The following KCTD8 variants were observed in gnomAD, a reference collection of about 807,000 sequenced individuals.
KCTD8 encodes the protein BTB/POZ domain-containing protein KCTD8.
KCTD8 carries 27 observed loss-of-function variants against 31.5 expected under a neutral mutation model. The observed-to-expected ratio is 0.86, with a 90% confidence interval of 0.63 to 1.18. KCTD8 has a LOEUF of 1.18. Among genes scored for constraint, KCTD8 ranks in the 50% most tolerant of loss-of-function variants. The pLI is 0.00. For missense variants in KCTD8, 658 were observed against 647.7 expected, an observed-to-expected ratio of 1.02 and a Z score of -0.17; for synonymous variants, 290 against 280.0, an observed-to-expected ratio of 1.04 and a Z score of -0.36.
At chr4:44,433,081 T>C (rs549073912) in intron 1 of KCTD8, among the ~76,000 whole-genome samples, 2 of 151,850 alleles carry the variant, frequency 1.3e-5, no homozygotes, top group Middle Eastern at 3.4e-3. Context: ...AGAGCTTGCA[T>C]ATGGAACATT....
chr4:44,402,878 A>G (rs1720699924), intron 1 of KCTD8, among the ~76,000 whole-genome samples: 1 of 152,200 alleles, frequency 6.6e-6, no homozygotes, highest in African/African-American at 2.4e-5. Context: ...ACTTCCAAGA[A>G]CACTCAAACT....
At chr4:44,446,750 T>C (rs985219372) in intron 1 of KCTD8, among the ~76,000 whole-genome samples, 3 of 152,006 alleles carry the variant, frequency 2.0e-5, no homozygotes, top group African/African-American at 7.2e-5. Context: ...GGAAACACAA[T>C]CATTCTCTCT....
intron 1 of KCTD8, among the ~76,000 whole-genome samples, chr4:44,429,174 GGACCCTAA>G (rs1289668643): frequency 6.6e-6 from 1 of 151,652 alleles, no homozygotes; most frequent in Admixed American, 6.6e-5. Context: ...ATAAAATCAA[GGACCCTAA>G]AAGCATCCCT....
chr4:44,320,076 G>T (rs1488422128), intron 1 of KCTD8, among the ~76,000 whole-genome samples: 1 of 146,630 alleles, frequency 6.8e-6, no homozygotes, highest in African/African-American at 2.5e-5. Context: ...GGAGGCTGAG[G>T]CAGGAGAATC....
chr4:44,396,266 T>C (rs190915579), intron 1 of KCTD8, among the ~76,000 whole-genome samples: 7 of 152,200 alleles, frequency 4.6e-5, no homozygotes, highest in Admixed American at 2.0e-4. Flanking sequence ...ACGCAAGTGA[T>C]AGGGGAGCAG....
At chr4:44,428,237 A>G (rs895294218) in intron 1 of KCTD8, among the ~76,000 whole-genome samples, 12 of 151,774 alleles carry the variant, frequency 7.9e-5, no homozygotes, top group Non-Finnish European at 1.2e-4. Flanking sequence ...TAAATTATAA[A>G]TGGAATTTTC....
At chr4:44,304,532 GAAT>G (rs1367086148) in intron 1 of KCTD8, among the ~76,000 whole-genome samples, 3 of 152,020 alleles carry the variant, frequency 2.0e-5, no homozygotes, top group Admixed American at 6.6e-5. Flanking sequence ...AACATAAAGG[GAAT>G]AATAAGCTGT....
At chr4:44,443,043 T>A (rs896617281) in intron 1 of KCTD8, among the ~76,000 whole-genome samples, 1 of 152,210 alleles carries the variant, frequency 6.6e-6, no homozygotes, top group African/African-American at 2.4e-5. Context: ...GCCTCTAAAC[T>A]TTTTGCACTC....
At chr4:44,255,308 C>T (rs1231754975) in intron 1 of KCTD8, among the ~76,000 whole-genome samples, 1 of 151,866 alleles carries the variant, frequency 6.6e-6, no homozygotes, top group Non-Finnish European at 1.5e-5. Context: ...CAGTCACCAA[C>T]CATCTTATTC....
intron 1 of KCTD8, among the ~76,000 whole-genome samples, chr4:44,404,119 C>T (rs755913875): frequency 6.6e-6 from 1 of 152,068 alleles, no homozygotes; most frequent in Non-Finnish European, 1.5e-5. Flanking sequence ...TGCTTAATCC[C>T]TAAAACCAAA....
intron 1 of KCTD8, among the ~76,000 whole-genome samples, chr4:44,431,626 T>G (rs1198563498): frequency 6.6e-6 from 1 of 151,588 alleles, no homozygotes; most frequent in Non-Finnish European, 1.5e-5. Flanking sequence ...CCAAAGAATA[T>G]TCTAGTCTCC....
intron 1 of KCTD8, among the ~76,000 whole-genome samples, chr4:44,396,714 C>T (rs1720514333): frequency 6.6e-6 from 1 of 152,100 alleles, no homozygotes; most frequent in Non-Finnish European, 1.5e-5. Context: ...TAGTTGCATA[C>T]TTAGTACCTT....
intron 1 of KCTD8, among the ~76,000 whole-genome samples, chr4:44,210,096 C>T (rs1360867925): frequency 6.6e-6 from 1 of 152,088 alleles, no homozygotes; most frequent in Non-Finnish European, 1.5e-5. Context: ...GTTTGAATGC[C>T]CAACATATAT....
intron 1 of KCTD8, among the ~76,000 whole-genome samples, chr4:44,363,817 T>G (rs1449336940): frequency 6.6e-6 from 1 of 152,146 alleles, no homozygotes; most frequent in Admixed American, 6.6e-5. Context: ...GGGGGTTGGT[T>G]GAAGGACAAA....
intron 1 of KCTD8, among the ~76,000 whole-genome samples, chr4:44,284,374 A>C (rs2109381035): frequency 6.6e-6 from 1 of 152,292 alleles, no homozygotes; most frequent in Non-Finnish European, 1.5e-5. Context: ...AATGGGGAAA[A>C]GATTCCCTAT....
intron 1 of KCTD8, among the ~76,000 whole-genome samples, chr4:44,413,572 T>G (rs1721007374): frequency 6.6e-6 from 1 of 152,164 alleles, no homozygotes; most frequent in Non-Finnish European, 1.5e-5. Context: ...AAGGACCAGA[T>G]TTTTCCTAAA....
chr4:44,304,145 A>AT (rs915695157), intron 1 of KCTD8, among the ~76,000 whole-genome samples: 1 of 152,016 alleles, frequency 6.6e-6, no homozygotes, highest in African/African-American at 2.4e-5. Flanking sequence ...GACCATCTAC[A>AT]TTTCCAGTTT....
chr4:44,219,359 A>T (rs1454294094), intron 1 of KCTD8, among the ~76,000 whole-genome samples: 1 of 152,220 alleles, frequency 6.6e-6, no homozygotes, highest in African/African-American at 2.4e-5. Flanking sequence ...ATGTGATCTT[A>T]TTTGAAAATC....
At chr4:44,416,840 G>A (rs1000402975) in intron 1 of KCTD8, among the ~76,000 whole-genome samples, 1 of 152,078 alleles carries the variant, frequency 6.6e-6, no homozygotes, top group South Asian at 2.1e-4. Flanking sequence ...TTATAGCAAT[G>A]CAAGAATGAA....
Sources: gnomAD v4.1 joint callset for allele counts (sites outside exome capture counted in the v4.1 genomes callset) on GRCh38, gnomAD v4.1.1 for gene constraint, MANE v1.5 for transcripts, NCBI Gene and HGNC (gene_info 2026-07-23, HGNC 2026-07-21) for gene names.